Variants in TM7SF3 observed in about 807,000 individuals in gnomAD.
TM7SF3 encodes the protein seven span transmembrane protein.
Under a neutral mutation model 65.5 loss-of-function variants are expected in TM7SF3, and 60 were observed. That is an observed-to-expected ratio of 0.92 (90% confidence interval 0.74 to 1.14). The LOEUF (loss-of-function observed/expected upper bound fraction) is 1.14. TM7SF3 is among the 50% of genes most tolerant of loss of function. The pLI, the probability that TM7SF3 is intolerant of heterozygous loss-of-function variation, is 0.00. For synonymous variants in TM7SF3, 264 were observed against 259.6 expected, an observed-to-expected ratio of 1.02 and a Z score of -0.16; for missense variants, 623 against 684.8, an observed-to-expected ratio of 0.91 and a Z score of 1.01.
intron 5 of TM7SF3, among the ~76,000 whole-genome samples, chr12:26,991,543 T>C (rs930723063): frequency 2.0e-5 from 3 of 152,188 alleles, no homozygotes; most frequent in African/African-American, 7.2e-5. Context: ...TCCTACTAAT[T>C]TGAGAAAAAT....
At chr12:26,997,479 T>C (rs1592300978) in intron 3 of TM7SF3, among the ~76,000 whole-genome samples, 1 of 152,354 alleles carries the variant, frequency 6.6e-6, no homozygotes, top group East Asian at 1.9e-4. Context: ...GAAGCTCCTC[T>C]GTTCATAATT....
chr12:27,010,156 C>T (rs1463586857), intron 1 of TM7SF3, among the ~76,000 whole-genome samples: 5 of 152,198 alleles, frequency 3.3e-5, no homozygotes, highest in Non-Finnish European at 7.3e-5. Flanking sequence ...ACTGTGCTGC[C>T]ATCAGTTGGC....
rs1939526126 is a variant in TM7SF3, at chr12:26,975,516, T to C, written c.1430A>G (p.Asn477Ser). 1.2e-6 allele frequency: 2 copies of C among 1,614,110 alleles called. No individual in the cohort carries two copies. Among genetic ancestry groups the C allele is most frequent in the Middle Eastern group, 1.6e-4 (1 of 6,062 alleles). The change falls in exon 11 of 12, where the codon AAT becomes AGT. Residue 477 changes from asparagine to serine, a missense_variant. Coordinates refer to ENST00000343028, the MANE Select transcript of TM7SF3 (RefSeq NM_016551.3). ...LNKDFHRAFT[N>S]VPFQTNDFII... The stretch of plus-strand genomic sequence containing the variant: ...CTTACCATTAGTTTGAAAAGGCACA[T>C]TTGTGAAAGCTCTGTGGAAATCCTT...
Position 26,995,219 on chromosome 12 carries a change from C to A in TM7SF3, c.690+18G>T. On this transcript the variant is annotated intron_variant, in intron 5 of 11. Coordinates refer to ENST00000343028, the MANE Select transcript of TM7SF3 (RefSeq NM_016551.3). ...GGTGTCACAATCCAGCCACACAAAT[C>A]ATGGGACTCAGATTTACCTTGAGAG... 6.2e-7 allele frequency: 1 copy of A among 1,605,484 alleles called. No individual in the cohort carries two copies. The highest frequency in any genetic ancestry group is 1.1e-5 in the South Asian group (1 of 90,486).
chr12:27,010,011 T>C (rs1425652867), intron 1 of TM7SF3, among the ~76,000 whole-genome samples: 1 of 152,208 alleles, frequency 6.6e-6, no homozygotes, highest in Admixed American at 6.5e-5. Context: ...ATTTTTGATG[T>C]TCCAACGTCT....
At chr12:26,992,566 G>A (rs1286597411) in intron 5 of TM7SF3, among the ~76,000 whole-genome samples, 5 of 152,200 alleles carry the variant, frequency 3.3e-5, no homozygotes, top group Non-Finnish European at 5.9e-5. Context: ...TTACAGGCGT[G>A]AGCCACCATG....
rs754170669 is a variant in TM7SF3, at chr12:26,980,571, T to C, written c.1031A>G (p.Tyr344Cys). 6 of 1,473,924 alleles carry C rather than the reference T, an allele frequency of 4.1e-6. No homozygotes were observed. The East Asian group carries it at 1.4e-4, about 33-fold the overall frequency. The allele number at this position is 1,473,924 out of a possible 1,614,324, so 91.3% of individuals were successfully genotyped here. Reference protein sequence around the residue: ...ILITRLTPIKYDVNLILTAVT... With the variant: ...ILITRLTPIKCDVNLILTAVT... The stretch of plus-strand genomic sequence containing the variant: ...ACTATATAATTTTCACTTACCATCA[T>C]ACTTGATAGGTGTCAGTCTTGTAAT... Residue 344 changes from tyrosine to cysteine, a missense_variant, in exon 8 of 12, where the codon TAT becomes TGT. Coordinates refer to ENST00000343028, the MANE Select transcript of TM7SF3 (RefSeq NM_016551.3).
rs540547651 is a variant in TM7SF3, at chr12:26,981,868, T to C, written c.955+905A>G. 5.3e-5 allele frequency among the ~76,000 whole-genome samples: 8 copies of C among 152,338 alleles called. No homozygotes were observed. The South Asian group carries it at 1.7e-3, about 32-fold the overall frequency. On this transcript the variant is annotated intron_variant, in intron 7 of 11. Coordinates refer to ENST00000343028, the MANE Select transcript of TM7SF3 (RefSeq NM_016551.3). ...TGATTTACATCCCAGTTCTTCAGTG[T>C]GTTTCACTGATGTTGATGCTGGCAT...
Position 26,971,956 on chromosome 12 carries a change from A to G in TM7SF3, c.*2009T>C, listed in dbSNP as rs2136368359. 1 of 152,310 alleles carries G rather than the reference A, an allele frequency of 6.6e-6. No individual in the cohort carries two copies. The highest frequency in any genetic ancestry group is 1.9e-4 in the East Asian group (1 of 5,192). 9.4% of individuals were successfully genotyped at this position (152,310 alleles called of 1,614,324 possible). On this transcript the variant is annotated 3_prime_UTR_variant, in exon 12 of 12. Transcript: ENST00000343028. Reference sequence around the variant, plus strand: ...GCAAAAGTTAAATATTTTTCCAGTTACCTGAAACTTCAAAAATCTATTGTA... The same window carrying G: ...GCAAAAGTTAAATATTTTTCCAGTTGCCTGAAACTTCAAAAATCTATTGTA...
At chr12:26,986,523 G>A (rs368498356) in intron 6 of TM7SF3, among the ~76,000 whole-genome samples, 38 of 152,188 alleles carry the variant, frequency 2.5e-4, no homozygotes, top group African/African-American at 9.2e-4. Context: ...TGGTCCCTAT[G>A]CCTATTGTAA....
chr12:26,974,597 T>A (rs1347951508), intron 11 of TM7SF3, among the ~76,000 whole-genome samples: 1 of 152,192 alleles, frequency 6.6e-6, no homozygotes, highest in Non-Finnish European at 1.5e-5. Flanking sequence ...ATGTACATCA[T>A]GGAACATCAG....
chr12:26,993,704 TTTCA>T (rs1490868854), intron 5 of TM7SF3, among the ~76,000 whole-genome samples: 1 of 152,240 alleles, frequency 6.6e-6, no homozygotes, highest in African/African-American at 2.4e-5. Flanking sequence ...GCTGGAATTA[TTTCA>T]TTGAGGGTCA....
rs191818899 is a variant in TM7SF3 at position 26,994,331 on chromosome 12, C to T, written c.690+906G>A. Among the ~76,000 whole-genome samples the T allele has an allele frequency of 8.3e-4, 126 of 152,246 alleles. 1 individual carries two copies. Among genetic ancestry groups the T allele is most frequent in the Non-Finnish European group, 1.2e-3 (81 of 68,000 alleles). On this transcript the variant is annotated intron_variant, in intron 5 of 11. Transcript: ENST00000343028. Reference sequence around the variant, plus strand: ...AGACATAAAGATAAAATCCTGCCCTCCACAAAAATGATCTATTGCAGTGAG... The same window carrying T: ...AGACATAAAGATAAAATCCTGCCCTTCACAAAAATGATCTATTGCAGTGAG...
In TM7SF3 at chr12:26,974,196, C is replaced by A; in HGVS notation, c.1482G>T (p.Leu494=). The A allele has an allele frequency of 6.2e-7, 1 of 1,614,186 alleles. No individual in the cohort carries two copies. Among genetic ancestry groups the A allele is most frequent in the Non-Finnish European group, 8.5e-7 (1 of 1,180,028 alleles). The change falls in exon 12 of 12, where the codon CTG becomes CTT. Residue 494 remains leucine (L), a synonymous_variant. Coordinates refer to ENST00000343028, the MANE Select transcript of TM7SF3 (RefSeq NM_016551.3). ...DFIILAVWGM[L]AVSGITLQIR... Reference sequence around the variant, plus strand: ...TCTGTAACGTAATTCCACTTACAGCCAGCATGCCCCATACTGCCAGGATAA... The same window carrying A: ...TCTGTAACGTAATTCCACTTACAGCAAGCATGCCCCATACTGCCAGGATAA...
chr12:27,009,839 T>C (rs192111033), intron 1 of TM7SF3, among the ~76,000 whole-genome samples: 5 of 148,540 alleles, frequency 3.4e-5, no homozygotes, highest in African/African-American at 7.3e-5. Context: ...AGGATAAATA[T>C]GTATTTTTTT....
Position 26,991,301 on chromosome 12 carries a change from C to T in TM7SF3, c.691-674G>A, listed in dbSNP as rs561968260. 2.0e-4 allele frequency among the ~76,000 whole-genome samples: 30 copies of T among 151,180 alleles called. No individual in the cohort carries two copies. In the South Asian group the frequency reaches 3.3e-3, roughly 17 times the overall value. On this transcript the variant is annotated intron_variant, in intron 5 of 11. Transcript: ENST00000343028. Reference sequence around the variant, plus strand: ...CCCAGTAGCTGGGACTACAGGCGCCCGCCACCGCGCCCGGCTAATTTTTTG... The same window carrying T: ...CCCAGTAGCTGGGACTACAGGCGCCTGCCACCGCGCCCGGCTAATTTTTTG...
chr12:26,981,639 A>G (rs1939820912), intron 7 of TM7SF3, among the ~76,000 whole-genome samples: 1 of 152,220 alleles, frequency 6.6e-6, no homozygotes, highest in Admixed American at 6.5e-5. Flanking sequence ...CCAATTAATA[A>G]AAAAAGTGTC....
Position 26,976,311 on chromosome 12 carries a change from G to A in TM7SF3, c.1236C>T (p.Phe412=). ...FHDDGVFWVT[F]SCIAILIPVV... ...CTGGAATGAGGATAGCTATGCAAGA[G>A]AAAGTGACCCAGAATACACCATCAT... Residue 412 remains phenylalanine (F), a synonymous_variant, in exon 10 of 12, where the codon TTC becomes TTT. Coordinates refer to ENST00000343028, the MANE Select transcript of TM7SF3 (RefSeq NM_016551.3). 6.2e-7 allele frequency: 1 copy of A among 1,614,054 alleles called. No individual in the cohort carries two copies. The highest frequency in any genetic ancestry group is 8.5e-7 in the Non-Finnish European group (1 of 1,179,972).
chr12:26,986,610 C>G (rs908202095), intron 6 of TM7SF3, among the ~76,000 whole-genome samples: 1 of 151,954 alleles, frequency 6.6e-6, no homozygotes, highest in Admixed American at 6.6e-5. Flanking sequence ...TCTTTAACAG[C>G]GGGATACGGC....
Sources: allele counts gnomAD v4.1 joint callset (sites outside exome capture counted in the v4.1 genomes callset), GRCh38; gene constraint gnomAD v4.1.1; transcripts MANE v1.5; gene names NCBI Gene and HGNC (gene_info 2026-07-23, HGNC 2026-07-21).